ADRA1A: variants seen among roughly 807,000 people sequenced by gnomAD.
ADRA1A encodes the protein alpha-1A adrenergic receptor.
Under a neutral mutation model 29.6 loss-of-function variants are expected in ADRA1A, and 31 were observed. The ratio of observed to expected loss-of-function variants is 1.05; its 90% CI spans 0.79 to 1.41. ADRA1A has a LOEUF of 1.41. Among genes scored for constraint, ADRA1A ranks in the 40% most tolerant of loss-of-function variants. The pLI is 0.00. For synonymous variants in ADRA1A, 311 were observed against 254.3 expected (o/e 1.22, Z -2.12); for missense variants, 619 against 601.1 (o/e 1.03, Z -0.31).
At chr8:26,780,563 C>T (rs182483044) in intron 2 of ADRA1A, among the ~76,000 whole-genome samples, 1 of 152,314 alleles carries the variant, frequency 6.6e-6, no homozygotes, top group Non-Finnish European at 1.5e-5. Context: ...TTCTTTGTTA[C>T]AGTATAGCTT....
chr8:26,800,561 C>A (rs920511805), intron 2 of ADRA1A, among the ~76,000 whole-genome samples: 10 of 152,026 alleles, frequency 6.6e-5, no homozygotes, highest in African/African-American at 1.7e-4. Context: ...AATAAGCAAT[C>A]AAAAATCTGA....
At chr8:26,797,061 G>T (rs994618302) in intron 2 of ADRA1A, among the ~76,000 whole-genome samples, 2 of 152,150 alleles carry the variant, frequency 1.3e-5, no homozygotes, top group Non-Finnish European at 2.9e-5. Flanking sequence ...CTATCATTCT[G>T]TTGTGAGAGT....
intron 2 of ADRA1A, among the ~76,000 whole-genome samples, chr8:26,817,179 G>A (rs527301048): frequency 2.6e-5 from 4 of 151,994 alleles, no homozygotes; most frequent in Admixed American, 6.6e-5. Context: ...ACCATCAAAC[G>A]AAGTAATAAG....
At chr8:26,774,437 G>T (rs1806397587) in intron 2 of ADRA1A, among the ~76,000 whole-genome samples, 1 of 152,204 alleles carries the variant, frequency 6.6e-6, no homozygotes. Flanking sequence ...GGGAGGCCAA[G>T]GTGGGCAGAT....
At chr8:26,807,841 C>T (rs1417112549) in intron 2 of ADRA1A, among the ~76,000 whole-genome samples, 2 of 152,124 alleles carry the variant, frequency 1.3e-5, no homozygotes, top group Non-Finnish European at 2.9e-5. Context: ...CTTATCTCCT[C>T]ACCTATAAAT....
Position 26,769,476 on chromosome 8 carries a change from A to C in ADRA1A, c.*673T>G. 2 of 985,400 alleles carry C rather than the reference A, an allele frequency of 2.0e-6. No individual in the cohort carries two copies. The highest frequency in any genetic ancestry group is 2.4e-6 in the Non-Finnish European group (2 of 829,902). 61.0% of individuals were successfully genotyped at this position (985,400 alleles called of 1,614,324 possible). ...TTCAACCCTCTCCTGACCCAAGGATAGAGAACACTACATTCCAAGACATCA... is the reference window on the plus strand; with the variant it reads ...TTCAACCCTCTCCTGACCCAAGGATCGAGAACACTACATTCCAAGACATCA... On this transcript the variant is annotated 3_prime_UTR_variant, in exon 3 of 3. Coordinates refer to ENST00000380573, the MANE Select transcript of ADRA1A (RefSeq NM_000680.4).
chr8:26,763,521 G>A (rs1805621101), downstream of ADRA1A, among the ~76,000 whole-genome samples: 1 of 152,174 alleles, frequency 6.6e-6, no homozygotes, highest in African/African-American at 2.4e-5. The surrounding 1 kb of genome is among the most constrained non-coding windows in gnomAD (Gnocchi z 4.5). Context: ...CCTGATACCT[G>A]CTTGGAAGGT....
intron 2 of ADRA1A, among the ~76,000 whole-genome samples, chr8:26,832,552 A>C (rs1811059198): frequency 1.3e-5 from 2 of 152,172 alleles, no homozygotes; most frequent in Admixed American, 6.5e-5. Context: ...GGAGAAATTA[A>C]GGAAGCTGAA....
At chr8:26,800,294 A>G (rs899081531) in intron 2 of ADRA1A, among the ~76,000 whole-genome samples, 3 of 152,126 alleles carry the variant, frequency 2.0e-5, no homozygotes, top group African/African-American at 4.8e-5. Context: ...CATCAAAACA[A>G]TATTACATTA....
At position 26,848,513 on chromosome 8, in the gene ADRA1A, G is replaced by A. The variant is rs1463287911; in HGVS notation, c.883+15574C>T. Among the ~76,000 whole-genome samples, 5 of 152,154 alleles carry A rather than the reference G, an allele frequency of 3.3e-5. No homozygotes were observed. Among genetic ancestry groups the A allele is most frequent in the Non-Finnish European group, 7.4e-5 (5 of 68,024 alleles). On this transcript the variant is annotated intron_variant, in intron 2 of 2. Transcript: ENST00000380573. This position sits in a 1 kb window ranked among gnomAD's most constrained non-coding sequence, Gnocchi z 4.3. ...GGCAACCATCTGTGACCTAGCAGGAGAACCCTCACCAAGAGCCTGACAATG... is the reference window on the plus strand; with the variant it reads ...GGCAACCATCTGTGACCTAGCAGGAAAACCCTCACCAAGAGCCTGACAATG...
chr8:26,771,395 C>T (rs1806132377), intron 2 of ADRA1A, among the ~76,000 whole-genome samples: 1 of 151,826 alleles, frequency 6.6e-6, no homozygotes, highest in Admixed American at 6.6e-5. Flanking sequence ...ACTCACTACA[C>T]TTTTTCTCCA....
chr8:26,842,301 T>A (rs367765565), intron 2 of ADRA1A, among the ~76,000 whole-genome samples: 5 of 152,342 alleles, frequency 3.3e-5, no homozygotes, highest in African/African-American at 1.2e-4. Flanking sequence ...GCTACCATAT[T>A]GGACAGCATA....
At chr8:26,772,663 C>T (rs941700955) in intron 2 of ADRA1A, among the ~76,000 whole-genome samples, 2 of 152,078 alleles carry the variant, frequency 1.3e-5, no homozygotes, top group Non-Finnish European at 2.9e-5. Context: ...CTATCAGAGC[C>T]GTGACAAATT....
Position 26,853,047 on chromosome 8 carries a change from A to T in ADRA1A, c.883+11040T>A, listed in dbSNP as rs555479399. On this transcript the variant is annotated intron_variant, in intron 2 of 2. Coordinates refer to ENST00000380573, the MANE Select transcript of ADRA1A (RefSeq NM_000680.4). ...ATCAAATCAATGTCAATGAAAAAAG[A>T]TTATATTGATGGATATCAATAAAGC... Among the ~76,000 whole-genome samples, 98 of 152,334 alleles carry T rather than the reference A, an allele frequency of 6.4e-4. 1 individual carries two copies. The Middle Eastern group carries it at 0.01, about 16-fold the overall frequency.
In ADRA1A at chr8:26,864,868, C is replaced by A. The variant is rs780719514; in HGVS notation, c.102G>T (p.Gly34=). The A allele has an allele frequency of 6.2e-7, 1 of 1,614,044 alleles. No individual in the cohort carries two copies. The highest frequency in any genetic ancestry group is 1.1e-5 in the South Asian group (1 of 91,058). ...SKAILLGVIL[G]GLILFGVLGN... is the part of the protein sequence containing the mutation. ...CCAGCACCCCGAAAAGAATGAGGCC[C>A]CCCAAGATCACCCCGAGCAGAATGG... is the stretch of plus-strand genomic sequence containing the variant. Residue 34 remains glycine (G), a synonymous_variant, in exon 2 of 3, where the codon GGG becomes GGT. Coordinates refer to ENST00000380573, the MANE Select transcript of ADRA1A (RefSeq NM_000680.4). This position sits in a 1 kb window ranked among gnomAD's most constrained non-coding sequence, Gnocchi z 8.1.
rs1491021045 is a variant in ADRA1A, at chr8:26,813,492, CCA to C, written c.884-42828_884-42827del. On this transcript the variant is annotated intron_variant, in intron 2 of 2. Coordinates refer to ENST00000380573, the MANE Select transcript of ADRA1A (RefSeq NM_000680.4). ...GGATCTTAATTCCTCTTGCATCTAT[CCA>C]TCCATCCATCCATCCATCCATCCAT... Among the ~76,000 whole-genome samples, 22 of 129,274 alleles carry C rather than the reference CCA, an allele frequency of 1.7e-4. No individual in the cohort carries two copies. The East Asian group carries it at 6.8e-3, about 40-fold the overall frequency. The allele number at this position is 129,274 out of a possible 152,430, so 84.8% of individuals were successfully genotyped here.
Position 26,823,549 on chromosome 8 carries a change from G to A in ADRA1A, c.883+40538C>T, listed in dbSNP as rs61591355. On this transcript the variant is annotated intron_variant, in intron 2 of 2. Transcript: ENST00000380573. This position sits in a 1 kb window ranked among gnomAD's most constrained non-coding sequence, Gnocchi z 4.2. The stretch of plus-strand genomic sequence containing the variant: ...ACCTTTCCTCCATCTTGGAAGTTGG[G>A]ACAAATGCACTGGTTCGGGGAGCGC... Among the ~76,000 whole-genome samples the A allele has an allele frequency of 0.027, 4,065 of 152,274 alleles. 112 individuals carry two copies. The highest frequency in any genetic ancestry group is 0.062 in the African/African-American group (2,581 of 41,546).
At chr8:26,844,621 C>T (rs930423376) in intron 2 of ADRA1A, among the ~76,000 whole-genome samples, 1 of 152,128 alleles carries the variant, frequency 6.6e-6, no homozygotes, top group Non-Finnish European at 1.5e-5. Flanking sequence ...CAAGACCACT[C>T]AGTGGGAGAA....
chr8:26,856,241 T>C (rs938056648), intron 2 of ADRA1A, among the ~76,000 whole-genome samples: 6 of 152,232 alleles, frequency 3.9e-5, no homozygotes, highest in Admixed American at 6.5e-5. Flanking sequence ...TCCAGAACGA[T>C]GTGGCAGCTC....
Sources: gnomAD v4.1 joint callset for allele counts (sites outside exome capture counted in the v4.1 genomes callset) on GRCh38, gnomAD v4.1.1 for gene constraint, Gnocchi (gnomAD v3.1) non-coding constraint, MANE v1.5 for transcripts, NCBI Gene and HGNC (gene_info 2026-07-23, HGNC 2026-07-21) for gene names.